KIF9: variants seen among roughly 807,000 people sequenced by gnomAD.
The protein encoded by KIF9 is kinesin-like protein KIF9.
KIF9 carries 68 observed loss-of-function variants against 94.8 expected under a neutral mutation model. The ratio of observed to expected loss-of-function variants is 0.72; its 90% CI spans 0.59 to 0.88. The LOEUF is 0.88. Ranked by LOEUF, KIF9 falls within the 40% of genes least tolerant of loss-of-function variation. The pLI is 0.00. For synonymous variants in KIF9, 343 were observed against 362.1 expected (o/e 0.95, Z 0.60); for missense variants, 882 against 982.5 (o/e 0.90, Z 1.37).
At chr3:47,250,512 T>A in intron 10 of KIF9, 1 of 402,460 alleles carries the variant, frequency 2.5e-6, no homozygotes. Context: ...TAAATGATAC[T>A]TTTTTTTTCA....
chr3:47,241,785 ATAC>A (rs1451353984), intron 16 of KIF9, among the ~76,000 whole-genome samples: 1 of 96,402 alleles, frequency 1.0e-5, no homozygotes, highest in East Asian at 2.8e-4. Flanking sequence ...ATACATGTAT[ATAC>A]GTGTATATAT....
At chr3:47,247,931 A>G in intron 11 of KIF9, 87 bp downstream of exon 11, 2 of 997,802 alleles carry the variant, frequency 2.0e-6, no homozygotes, top group Non-Finnish European at 3.2e-6. Context: ...GCCTTGACCC[A>G]TGATGCTGTC....
chr3:47,229,549 T>TA (rs1225686204), intron 20 of KIF9, among the ~76,000 whole-genome samples: 1 of 152,154 alleles, frequency 6.6e-6, no homozygotes, highest in East Asian at 1.9e-4. Flanking sequence ...AGTATATATT[T>TA]AAATAACTAA....
chr3:47,278,169 T>C (rs908365229), intron 1 of KIF9, among the ~76,000 whole-genome samples: 1 of 152,042 alleles, frequency 6.6e-6, no homozygotes, highest in Non-Finnish European at 1.5e-5. Context: ...CCTCCCAGGC[T>C]TAAGTGATCC....
intron 9 of KIF9, among the ~76,000 whole-genome samples, chr3:47,258,113 T>C (rs1256266470): frequency 6.6e-6 from 1 of 152,232 alleles, no homozygotes; most frequent in Non-Finnish European, 1.5e-5. Flanking sequence ...AAGCCATACA[T>C]GTAATTTTAT....
At chr3:47,245,314 T>C (rs1699849259) in intron 14 of KIF9, 107 bp downstream of exon 14, 1 of 858,486 alleles carries the variant, frequency 1.2e-6, no homozygotes, top group Admixed American at 1.7e-5. Context: ...CCTTTATCTG[T>C]TGCAATCCTA....
intron 2 of KIF9, among the ~76,000 whole-genome samples, chr3:47,276,345 C>G (rs1416346957): frequency 6.6e-6 from 1 of 151,910 alleles, no homozygotes; most frequent in Non-Finnish European, 1.5e-5. Context: ...CACCTGAGGT[C>G]AGGAGTTCCA....
chr3:47,237,456 G>A (rs1234293012), intron 17 of KIF9, among the ~76,000 whole-genome samples: 1 of 152,158 alleles, frequency 6.6e-6, no homozygotes, highest in Non-Finnish European at 1.5e-5. Flanking sequence ...GCTATCAAAG[G>A]GCTCCAGGGA....
chr3:47,230,196 T>G (rs577870512), intron 20 of KIF9, among the ~76,000 whole-genome samples: 2 of 150,490 alleles, frequency 1.3e-5, no homozygotes, highest in South Asian at 4.2e-4. Flanking sequence ...GATGATTGCT[T>G]GAGCCCAGGA....
intron 10 of KIF9, among the ~76,000 whole-genome samples, chr3:47,251,669 T>A (rs1470463355): frequency 6.6e-6 from 1 of 152,214 alleles, no homozygotes; most frequent in African/African-American, 2.4e-5. Context: ...ATTATAAATG[T>A]AATGAGGATA....
chr3:47,255,749 G>A (rs949266284), intron 10 of KIF9, among the ~76,000 whole-genome samples: 1 of 141,270 alleles, frequency 7.1e-6, no homozygotes, highest in Non-Finnish European at 1.5e-5. Context: ...CTCTCCCCAC[G>A]GTCTCCCTCT....
chr3:47,251,647 A>G (rs1255401885), intron 10 of KIF9, among the ~76,000 whole-genome samples: 1 of 152,234 alleles, frequency 6.6e-6, no homozygotes, highest in African/African-American at 2.4e-5. Context: ...AAGTTTCCTA[A>G]TAGGCATTTT....
chr3:47,263,192 C>G (rs530494622), intron 9 of KIF9, among the ~76,000 whole-genome samples: 1 of 152,322 alleles, frequency 6.6e-6, no homozygotes, highest in East Asian at 1.9e-4. Context: ...CCACCACGCC[C>G]GGCCCCTAAT....
At chr3:47,260,535 C>T (rs1215746910) in intron 9 of KIF9, among the ~76,000 whole-genome samples, 1 of 152,200 alleles carries the variant, frequency 6.6e-6, no homozygotes, top group Non-Finnish European at 1.5e-5. Flanking sequence ...TAGGGCCAAC[C>T]CTTCCACAGC....
Position 47,271,479 on chromosome 3 carries a change from C to T in KIF9, c.367-18G>A. ...CTAAAAACCTAGATGACAGATTGTA[C>T]AGCGGTCACCAAGAGCAGAACCCCA... On this transcript the variant is annotated intron_variant, in intron 4 of 20. Coordinates refer to ENST00000684063, the MANE Select transcript of KIF9 (RefSeq NM_182902.4). 6.2e-7 allele frequency: 1 copy of T among 1,603,128 alleles called. No homozygotes were observed. The highest frequency in any genetic ancestry group is 8.5e-7 in the Non-Finnish European group (1 of 1,170,274).
intron 1 of KIF9, among the ~76,000 whole-genome samples, chr3:47,277,857 T>C (rs1451140016): frequency 2.6e-5 from 4 of 152,174 alleles, no homozygotes; most frequent in East Asian, 1.9e-4. Flanking sequence ...AGATCAGAAA[T>C]AGATGACCCA....
chr3:47,238,538 TG>T (rs1330042949), intron 17 of KIF9: 1 of 151,910 alleles, frequency 6.6e-6, no homozygotes, highest in East Asian at 1.9e-4. Context: ...TGAGTTTACT[TG>T]ATCTGTTCAA....
intron 13 of KIF9, chr3:47,245,733 T>C (rs1338285117): frequency 1.2e-5 from 7 of 565,856 alleles, no homozygotes; most frequent in Non-Finnish European, 1.9e-5. Context: ...GGCTACCTTA[T>C]GTCATGTGTG....
chr3:47,282,562 G>T lies in KIF9; in HGVS notation c.-73C>A, dbSNP rs1313155298. 1.3e-5 allele frequency: 13 copies of T among 1,018,790 alleles called. No homozygotes were observed. The South Asian group carries it at 4.0e-4, about 32-fold the overall frequency. 63.1% of individuals were successfully genotyped at this position (1,018,790 alleles called of 1,614,324 possible). A position where few individuals can be genotyped will look rare whatever the true frequency, so the allele number is the denominator to read the frequency against. On this transcript the variant is annotated 5_prime_UTR_variant, in exon 1 of 21. Coordinates refer to ENST00000684063, the MANE Select transcript of KIF9 (RefSeq NM_182902.4). ...CCGAAACCACCTGCACTCCCCACGC[G>T]GGGCTGCCTGGCTGTGTACATAGTC...
Sources: gnomAD v4.1 joint callset for allele counts (sites outside exome capture counted in the v4.1 genomes callset) on GRCh38, gnomAD v4.1.1 for gene constraint, MANE v1.5 for transcripts, NCBI Gene and HGNC (gene_info 2026-07-23, HGNC 2026-07-21) for gene names.